NFIB: variants seen among roughly 807,000 people sequenced by gnomAD.
NFIB encodes nuclear factor 1 B-type.
In NFIB, 11 loss-of-function variants were observed where a neutral mutation model predicts 61.5. The ratio of observed to expected loss-of-function variants is 0.18; its 90% CI spans 0.11 to 0.30. The LOEUF (loss-of-function observed/expected upper bound fraction) is 0.30. Ranked by LOEUF, NFIB falls within the 10% of genes least tolerant of loss-of-function variation. NFIB has a pLI of 1.00. For missense variants in NFIB, 471 were observed against 608.9 expected (o/e 0.77, Z 2.38); for synonymous variants, 260 against 216.5 (o/e 1.20, Z -1.76).
chr9:14,516,728 A>T, the NFIB span, among the ~76,000 whole-genome samples: 11 of 152,238 alleles, frequency 7.2e-5, no homozygotes, highest in African/African-American at 2.7e-4. Context: ...ATCAAGCCAA[A>T]CAGGATTTTC....
At chr9:14,312,875 T>C (rs1357120881) in intron 1 of NFIB, among the ~76,000 whole-genome samples, 2 of 152,026 alleles carry the variant, frequency 1.3e-5, no homozygotes, top group Non-Finnish European at 2.9e-5. Flanking sequence ...TGTGGTGCGG[T>C]CACTAGAAAC....
chr9:14,112,144 ATTTTGCATACTGT>A (rs1359555258), intron 10 of NFIB, among the ~76,000 whole-genome samples: 38 of 152,360 alleles, frequency 2.5e-4, no homozygotes, highest in African/African-American at 9.1e-4. Context: ...CCTATGTAAT[ATTTTGCATACTGT>A]TAATTTCAAA....
intron 2 of NFIB, among the ~76,000 whole-genome samples, chr9:14,268,201 C>T (rs1037658593): frequency 1.3e-5 from 2 of 152,122 alleles, no homozygotes; most frequent in Middle Eastern, 6.8e-3. Context: ...AATTTAAAAG[C>T]CTGGCTTAAA....
At chr9:14,461,893 G>C in the NFIB span, among the ~76,000 whole-genome samples, 1 of 152,200 alleles carries the variant, frequency 6.6e-6, no homozygotes, top group Admixed American at 6.5e-5. Flanking sequence ...AGTCCAAAGA[G>C]CAACCAGGGA....
the NFIB span, among the ~76,000 whole-genome samples, chr9:14,460,473 A>T: frequency 6.6e-6 from 1 of 152,208 alleles, no homozygotes; most frequent in African/African-American, 2.4e-5. Context: ...CACACGTAAC[A>T]AACCTGCACG....
rs753810552 is a variant in NFIB at position 14,155,899 on chromosome 9, A to G, written c.617-6T>C. On this transcript the variant is annotated splice_polypyrimidine_tract_variant and splice_region_variant and intron_variant, in intron 3 of 10. Coordinates refer to ENST00000380953, the MANE Select transcript of NFIB (RefSeq NM_001190737.2). The stretch of plus-strand genomic sequence containing the variant: ...AAAACTATCCTCAAGGTAACCTGAA[A>G]ATAAATATTAAAGGAAAAATGATCA... 5 of 1,510,692 alleles carry G rather than the reference A, an allele frequency of 3.3e-6. No individual in the cohort carries two copies. Among genetic ancestry groups the G allele is most frequent in the Non-Finnish European group, 4.5e-6 (5 of 1,102,352 alleles). 93.6% of individuals were successfully genotyped at this position (1,510,692 alleles called of 1,614,324 possible). A position where few individuals can be genotyped will look rare whatever the true frequency, so the allele number is the denominator to read the frequency against.
chr9:14,273,671 C>G (rs1003645010), intron 2 of NFIB, among the ~76,000 whole-genome samples: 2 of 152,146 alleles, frequency 1.3e-5, no homozygotes, highest in Non-Finnish European at 2.9e-5. Context: ...ATTCTAAAGG[C>G]ATGCCAGAAA....
At chr9:14,180,660 T>C (rs2046667139) in intron 2 of NFIB, 1 of 152,224 alleles carries the variant, frequency 6.6e-6, no homozygotes, top group African/African-American at 2.4e-5. Context: ...TACACTTACT[T>C]GCGAGTTGCT....
intron 3 of NFIB, among the ~76,000 whole-genome samples, chr9:14,156,446 T>C (rs1357949184): frequency 6.6e-6 from 1 of 152,236 alleles, no homozygotes; most frequent in Non-Finnish European, 1.5e-5. Context: ...GAACTTTGCG[T>C]TGACCTATTT....
At chr9:14,423,201 A>C in the NFIB span, among the ~76,000 whole-genome samples, 1 of 152,234 alleles carries the variant, frequency 6.6e-6, no homozygotes, top group Non-Finnish European at 1.5e-5. Flanking sequence ...AGTAGTAATC[A>C]GATCGGGGCA....
At chr9:14,093,561 G>T (rs1276075833) in intron 10 of NFIB, 2 of 152,058 alleles carry the variant, frequency 1.3e-5, no homozygotes, top group Admixed American at 6.6e-5. Flanking sequence ...TAATTTAAAA[G>T]AAGCATTTGC....
rs182252935 is a variant in NFIB, at chr9:14,109,516, C to G, written c.1467+3483G>C. On this transcript the variant is annotated intron_variant, in intron 10 of 10. Coordinates refer to ENST00000380953, the MANE Select transcript of NFIB (RefSeq NM_001190737.2). ...AAGCAGGACCCATGAGTTCTTCAAG[C>G]CACCAAAACCATCTTCCAATAGAAA... is the stretch of plus-strand genomic sequence containing the variant. Among the ~76,000 whole-genome samples the G allele has an allele frequency of 2.0e-5, 3 of 152,112 alleles. 1 individual carries two copies. The highest frequency in any genetic ancestry group is 2.0e-4 in the Admixed American group (3 of 15,274).
intron 2 of NFIB, among the ~76,000 whole-genome samples, chr9:14,181,498 A>G (rs1038142190): frequency 3.3e-5 from 5 of 152,190 alleles, no homozygotes; most frequent in African/African-American, 1.2e-4. Flanking sequence ...TGACTTATAA[A>G]TTAGGAGATC....
intron 2 of NFIB, among the ~76,000 whole-genome samples, chr9:14,302,851 G>A (rs2059821764): frequency 6.6e-6 from 1 of 151,848 alleles, no homozygotes; most frequent in African/African-American, 2.4e-5. Context: ...GCAGCCCTTT[G>A]GGTAGAACTG....
chr9:14,149,461 A>AAAT (rs1563836219), intron 5 of NFIB, among the ~76,000 whole-genome samples: 2 of 152,158 alleles, frequency 1.3e-5, no homozygotes, highest in African/African-American at 4.8e-5. Flanking sequence ...AATAAAAAAA[A>AAAT]ATTAACACAT....
intron 1 of NFIB, among the ~76,000 whole-genome samples, chr9:14,309,721 C>G (rs1056814288): frequency 2.1e-4 from 32 of 152,300 alleles, no homozygotes; most frequent in Non-Finnish European, 4.4e-4. Context: ...CTTTGTTTAT[C>G]CCCTTTAGGA....
rs544443765 is a variant in NFIB, at chr9:14,269,179, G to A, written c.562+37810C>T. Among the ~76,000 whole-genome samples, 7 of 151,798 alleles carry A rather than the reference G, an allele frequency of 4.6e-5. No homozygotes were observed. In the East Asian group the frequency reaches 5.8e-4, roughly 13 times the overall value. ...ACAGACTGAACTTTTACTTTTTAAT[G>A]TGATATCACATATAATACCACATCT... On this transcript the variant is annotated intron_variant, in intron 2 of 10. Coordinates refer to ENST00000380953, the MANE Select transcript of NFIB (RefSeq NM_001190737.2).
chr9:14,235,583 C>T (rs989545489), intron 2 of NFIB, among the ~76,000 whole-genome samples: 5 of 152,148 alleles, frequency 3.3e-5, no homozygotes, highest in East Asian at 3.8e-4. Flanking sequence ...CCAAGAATTA[C>T]GAAGCACAGT....
At chr9:14,247,901 G>C (rs1184447946) in intron 2 of NFIB, among the ~76,000 whole-genome samples, 1 of 150,284 alleles carries the variant, frequency 6.7e-6, no homozygotes, top group African/African-American at 2.4e-5. Flanking sequence ...TTTAGGTGTT[G>C]TCTACACAGT....
Sources: gnomAD v4.1 joint callset for allele counts (sites outside exome capture counted in the v4.1 genomes callset) on GRCh38, gnomAD v4.1.1 for gene constraint, MANE v1.5 for transcripts, NCBI Gene and HGNC (gene_info 2026-07-23, HGNC 2026-07-21) for gene names.